NALCN: variants seen among roughly 807,000 people sequenced by gnomAD.
NALCN encodes sodium leak channel, non-selective.
In NALCN, 111 loss-of-function variants were observed where a neutral mutation model predicts 225.3. The observed-to-expected ratio is 0.49, with a 90% CI of 0.42 to 0.58. NALCN has a LOEUF of 0.58. Among genes scored for constraint, NALCN ranks in the 20% least tolerant of loss-of-function variants. The probability of loss-of-function intolerance (pLI) is 0.00; values close to 1 mark genes in which losing one functional copy is unlikely to be tolerated. For synonymous variants in NALCN, 764 were observed against 769.0 expected, an observed-to-expected ratio of 0.99 and a Z score of 0.11; for missense variants, 1,378 against 2,202.4, an observed-to-expected ratio of 0.63 and a Z score of 7.49.
At chr13:101,144,079 T>G (rs956441997) in intron 16 of NALCN, among the ~76,000 whole-genome samples, 4 of 152,228 alleles carry the variant, frequency 2.6e-5, no homozygotes, top group Non-Finnish European at 4.4e-5. Flanking sequence ...ACAGAATTAT[T>G]TTTAAAGCTA....
chr13:101,111,832 AC>A (rs1227101577), intron 18 of NALCN, among the ~76,000 whole-genome samples: 1 of 152,136 alleles, frequency 6.6e-6, no homozygotes, highest in East Asian at 1.9e-4. Flanking sequence ...AGTTCACTAA[AC>A]CTCTTTCTTT....
At chr13:101,374,171 A>G (rs2046617690) in intron 6 of NALCN, among the ~76,000 whole-genome samples, 1 of 152,104 alleles carries the variant, frequency 6.6e-6, no homozygotes, top group Admixed American at 6.6e-5. Context: ...TATATTAAAA[A>G]ACAAGAAAAA....
At chr13:101,192,167 T>C in intron 13 of NALCN, 113 bp from the exon 14 acceptor site, 1 of 1,234,164 alleles carries the variant, frequency 8.1e-7, no homozygotes, top group Non-Finnish European at 1.1e-6. Flanking sequence ...TTTTATCTGA[T>C]CAGGGCAAGA....
At chr13:101,344,854 C>T (rs2045666216) in intron 7 of NALCN, among the ~76,000 whole-genome samples, 1 of 152,156 alleles carries the variant, frequency 6.6e-6, no homozygotes, top group Admixed American at 6.6e-5. Flanking sequence ...ATGCACTCAT[C>T]AATACCTAGT....
At chr13:101,287,087 A>G (rs2043367066) in intron 9 of NALCN, among the ~76,000 whole-genome samples, 1 of 152,222 alleles carries the variant, frequency 6.6e-6, no homozygotes, top group Non-Finnish European at 1.5e-5. Flanking sequence ...AATGCCTCAT[A>G]AACATCCTCA....
chr13:101,305,871 T>C (rs2044137645), intron 7 of NALCN, among the ~76,000 whole-genome samples: 2 of 152,196 alleles, frequency 1.3e-5, no homozygotes, highest in African/African-American at 4.8e-5. Flanking sequence ...GCCTGGCAGA[T>C]GAAACACAGG....
chr13:101,102,084 G>A (rs537101160), intron 26 of NALCN, among the ~76,000 whole-genome samples: 1 of 151,842 alleles, frequency 6.6e-6, no homozygotes, highest in African/African-American at 2.4e-5. Context: ...GGAGTTCAAG[G>A]GCAGCATGGG....
intron 16 of NALCN, among the ~76,000 whole-genome samples, chr13:101,144,118 A>C (rs567614708): frequency 6.6e-6 from 1 of 152,296 alleles, no homozygotes; most frequent in Admixed American, 6.5e-5. Context: ...TCTGTTTGTA[A>C]TTTCTTGAGC....
chr13:101,385,215 C>T (rs1023735405), intron 3 of NALCN, among the ~76,000 whole-genome samples: 1 of 152,078 alleles, frequency 6.6e-6, no homozygotes, highest in Non-Finnish European at 1.5e-5. Flanking sequence ...CTGTTCCACT[C>T]CTTTGTGCCT....
intron 37 of NALCN, among the ~76,000 whole-genome samples, chr13:101,069,582 G>A (rs2032695937): frequency 6.6e-6 from 1 of 152,174 alleles, no homozygotes; most frequent in Non-Finnish European, 1.5e-5. Context: ...AGTCAACATG[G>A]AAGTTTATCA....
intron 6 of NALCN, among the ~76,000 whole-genome samples, chr13:101,351,417 C>T (rs1040660537): frequency 2.6e-5 from 4 of 152,082 alleles, no homozygotes; most frequent in African/African-American, 9.7e-5. Context: ...ATTCTATTTA[C>T]AAATAACATT....
intron 7 of NALCN, among the ~76,000 whole-genome samples, chr13:101,314,136 G>C (rs868232131): frequency 7.9e-6 from 1 of 125,972 alleles, no homozygotes; most frequent in Non-Finnish European, 1.6e-5. Context: ...ACAGGAAGGC[G>C]AACATCACAC....
chr13:101,158,959 A>C (rs1410359256), intron 15 of NALCN, among the ~76,000 whole-genome samples: 1 of 152,200 alleles, frequency 6.6e-6, no homozygotes, highest in African/African-American at 2.4e-5. Flanking sequence ...GGAAGGTGGA[A>C]TCTCAATTTA....
intron 7 of NALCN, among the ~76,000 whole-genome samples, chr13:101,313,560 A>G (rs1202136988): frequency 6.6e-6 from 1 of 152,194 alleles, no homozygotes; most frequent in Non-Finnish European, 1.5e-5. Flanking sequence ...CAGCCAAAAA[A>G]CACATGAAAA....
At chr13:101,348,389 C>G (rs1404227403) in intron 6 of NALCN, among the ~76,000 whole-genome samples, 2 of 152,094 alleles carry the variant, frequency 1.3e-5, no homozygotes, top group Non-Finnish European at 2.9e-5. Context: ...ACAATCAATG[C>G]TAGATGTTAC....
At chr13:101,371,362 A>C (rs9557630) in intron 6 of NALCN, among the ~76,000 whole-genome samples, 16,237 of 152,114 alleles carry the variant, frequency 0.11, 1,317 homozygotes, top group East Asian at 0.35. Flanking sequence ...TCTATCACCC[A>C]GGCTGGAGTG....
At chr13:101,289,867 C>A (rs972294042) in intron 9 of NALCN, among the ~76,000 whole-genome samples, 1 of 152,076 alleles carries the variant, frequency 6.6e-6, no homozygotes, top group Non-Finnish European at 1.5e-5. Context: ...CAAATTATGT[C>A]TCTCCCTTCT....
chr13:101,137,597 GTAGACAATAGGGATAGCAACTAAAA>G (rs1443880991), intron 17 of NALCN, among the ~76,000 whole-genome samples: 1 of 152,130 alleles, frequency 6.6e-6, no homozygotes, highest in Non-Finnish European at 1.5e-5. Flanking sequence ...AAGACACCGT[GTAGACAATAGGGATAGCAACTAAAA>G]TATCAACAAA....
At chr13:101,297,001 T>G (rs952237251) in intron 7 of NALCN, among the ~76,000 whole-genome samples, 5 of 152,214 alleles carry the variant, frequency 3.3e-5, no homozygotes, top group Non-Finnish European at 5.9e-5. Context: ...CAAAATTATA[T>G]TCCCATCTGT....
Sources: allele counts gnomAD v4.1 joint callset (sites outside exome capture counted in the v4.1 genomes callset), GRCh38; gene constraint gnomAD v4.1.1; transcripts MANE v1.5; gene names NCBI Gene and HGNC (gene_info 2026-07-23, HGNC 2026-07-21).